PWWP3B: variants seen among roughly 807,000 people sequenced by gnomAD.
PWWP3B encodes PWWP domain-containing DNA repair factor 3B.
Under a neutral mutation model 15.7 loss-of-function variants are expected in PWWP3B, and 5 were observed. That is an observed-to-expected ratio of 0.32 (90% CI 0.17 to 0.67). The LOEUF is 0.67. PWWP3B is among the 30% of genes least tolerant of loss of function. The pLI, the probability that PWWP3B is intolerant of heterozygous loss-of-function variation, is 0.74. For missense variants in PWWP3B, 519 were observed against 493.1 expected, an observed-to-expected ratio of 1.05 and a Z score of -0.50; for synonymous variants, 203 against 179.8, an observed-to-expected ratio of 1.13 and a Z score of -1.03.
rs913757331 is a variant in PWWP3B at position 106,207,751 on chromosome X, C to T, written c.*228C>T. 6 of 315,410 alleles carry T rather than the reference C, an allele frequency of 1.9e-5. No homozygotes were observed. The highest frequency in any genetic ancestry group is 1.1e-4 in the Admixed American group (2 of 17,894). The allele number at this position is 315,410 out of a possible 1,213,427, so 26.0% of individuals were successfully genotyped here. ...ACATATTTCAGCAGTTCTACTTTCC[C>T]GTACATTTTTTAGAAAGCATAATTC... On this transcript the variant is annotated 3_prime_UTR_variant, in exon 4 of 4. Coordinates refer to ENST00000357175, the MANE Select transcript of PWWP3B (RefSeq NM_001171020.2).
rs995743836 is a variant in PWWP3B at position 106,207,642 on chromosome X, C to CT, written c.*127dup. 55 of 688,524 alleles carry CT rather than the reference C, an allele frequency of 8.0e-5. No individual in the cohort carries two copies. The highest frequency in any genetic ancestry group is 1.6e-4 in the South Asian group (3 of 19,254). The allele number at this position is 688,524 out of a possible 1,213,427, so 56.7% of individuals were successfully genotyped here. Reference sequence around the variant, plus strand: ...AATGGGAGCATGGATAATGTGTTCACTTTTTTTTGAGATCTCTAGGATCTG... The same window carrying CT: ...AATGGGAGCATGGATAATGTGTTCACTTTTTTTTTGAGATCTCTAGGATCTG... On this transcript the variant is annotated 3_prime_UTR_variant, in exon 4 of 4. Transcript: ENST00000357175.
intron 2 of PWWP3B, among the ~76,000 whole-genome samples, chrX:106,186,516 A>G (rs1257762025): frequency 9.0e-6 from 1 of 111,187 alleles, no homozygotes. Flanking sequence ...AAGGGGTCCA[A>G]TGGTACTCAC....
intron 1 of PWWP3B, among the ~76,000 whole-genome samples, chrX:106,169,975 G>A (rs1921528380): frequency 9.1e-6 from 1 of 110,062 alleles, no homozygotes; most frequent in African/African-American, 3.3e-5. Flanking sequence ...TTATTAATTG[G>A]AGATATAAGT....
At chrX:106,197,346 C>T (rs1027173674) in intron 2 of PWWP3B, among the ~76,000 whole-genome samples, 5 of 111,586 alleles carry the variant, frequency 4.5e-5, no homozygotes, top group African/African-American at 1.6e-4. Context: ...TTTCCTATCT[C>T]TCCCTCCCAG....
At position 106,207,442 on chromosome X, in the gene PWWP3B, A is replaced by C; in HGVS notation, c.2010A>C (p.Leu670=). ...AEAKYLKGPC[L]GYRERELFDA... ...CAAAGTATCTAAAAGGACCATGTCT[A>C]GGCTACAGGGAAAGAGAATTATTTG... The change falls in exon 4 of 4, where the codon CTA becomes CTC. Residue 670 remains leucine (L), a synonymous_variant. Transcript: ENST00000357175. The C allele has an allele frequency of 8.6e-7, 1 of 1,165,128 alleles. No homozygotes were observed. Among genetic ancestry groups the C allele is most frequent in the Middle Eastern group, 2.3e-4 (1 of 4,288 alleles).
intron 2 of PWWP3B, among the ~76,000 whole-genome samples, chrX:106,176,295 T>C (rs1921896417): frequency 9.0e-6 from 1 of 110,927 alleles, no homozygotes; most frequent in South Asian, 3.8e-4. Context: ...GGTTTCATCA[T>C]GTTGGCCAGG....
rs190797483 is a variant in PWWP3B at position 106,197,234 on chromosome X, A to G, written c.-400-6751A>G. 8.0e-5 allele frequency among the ~76,000 whole-genome samples: 9 copies of G among 111,910 alleles called. No individual in the cohort carries two copies. The Admixed American group carries it at 8.5e-4, about 11-fold the overall frequency. The stretch of plus-strand genomic sequence containing the variant: ...TTCTCAGGCTGCTTTTCATTCATGT[A>G]AGAACTGGGTTAGAGAGGGTTCCCT... On this transcript the variant is annotated intron_variant, in intron 2 of 3. Coordinates refer to ENST00000357175, the MANE Select transcript of PWWP3B (RefSeq NM_001171020.2).
Position 106,207,205 on chromosome X carries a change from G to T in PWWP3B, c.1773G>T (p.Arg591Ser), listed in dbSNP as rs774398332. The change falls in exon 4 of 4, where the codon AGG (arginine) becomes AGT (serine). Residue 591 changes from arginine to serine, a missense_variant. Arg to Ser is a moderately radical substitution (Grantham distance 110, BLOSUM62 -1). Coordinates refer to ENST00000357175, the MANE Select transcript of PWWP3B (RefSeq NM_001171020.2). The stretch of plus-strand genomic sequence containing the variant: ...TGAAATCATTTTTGAATGCAAATAG[G>T]TTCACACCCTGTATTGAAACATACT... The part of the protein sequence containing the change: ...RWLKSFLNAN[R>S]FTPCIETYFE... The T allele has an allele frequency of 1.7e-6, 2 of 1,208,745 alleles. No individual in the cohort carries two copies. The highest frequency in any genetic ancestry group is 2.2e-6 in the Non-Finnish European group (2 of 893,796).
chrX:106,204,369 A>C (rs1001352277), intron 3 of PWWP3B, among the ~76,000 whole-genome samples, 199 bp downstream of exon 3: 3 of 112,264 alleles, frequency 2.7e-5, no homozygotes, highest in Non-Finnish European at 5.6e-5. Context: ...GACACTTTAT[A>C]ATTAAAAGTC....
chrX:106,206,249 T>G lies in PWWP3B; in HGVS notation c.817T>G (p.Ser273Ala). Residue 273 changes from serine (S) to alanine (A), a missense_variant, in exon 4 of 4, where the codon TCT becomes GCT. By Grantham distance (99) the Ser-to-Ala change is moderately conservative (BLOSUM62 1). Coordinates refer to ENST00000357175, the MANE Select transcript of PWWP3B (RefSeq NM_001171020.2). ...GACCCTGGCTGTTCCCTCTGAATGC[T>G]CTGCTTTCTCAGAGAATATTGAGGA... ...LETLAVPSECSAFSENIEDPG... is the reference protein window; with the variant it reads ...LETLAVPSECAAFSENIEDPG... 8.3e-7 allele frequency: 1 copy of G among 1,206,847 alleles called. No homozygotes were observed. Among genetic ancestry groups the G allele is most frequent in the East Asian group, 3.0e-5 (1 of 33,750 alleles).
chrX:106,206,920 T>C lies in PWWP3B; in HGVS notation c.1488T>C (p.Asp496=). 8.3e-7 allele frequency: 1 copy of C among 1,211,325 alleles called. No individual in the cohort carries two copies. Among genetic ancestry groups the C allele is most frequent in the Non-Finnish European group, 1.1e-6 (1 of 895,360 alleles). ...CTTTGCTTGAGTATTATGCTGCTGA[T>C]ATTAGTTACCCAGTTAGGAAAGAAA... ...TGSLLEYYAA[D]ISYPVRKETK... Residue 496 remains aspartate (D), a synonymous_variant, in exon 4 of 4, where the codon GAT becomes GAC. Transcript: ENST00000357175.
At chrX:106,175,052 A>T (rs1035078145) in intron 2 of PWWP3B, among the ~76,000 whole-genome samples, 1 of 106,968 alleles carries the variant, frequency 9.3e-6, no homozygotes, top group Non-Finnish European at 1.9e-5. Context: ...AAAAAAAAAA[A>T]AAAAGAAGAA....
chrX:106,181,364 C>T (rs755765862), intron 2 of PWWP3B, among the ~76,000 whole-genome samples: 11 of 111,437 alleles, frequency 9.9e-5, no homozygotes, highest in Admixed American at 8.5e-4. Flanking sequence ...TTTTACACAG[C>T]GCTGATTGGT....
intron 3 of PWWP3B, among the ~76,000 whole-genome samples, chrX:106,204,676 G>A (rs1167740450): frequency 8.9e-6 from 1 of 112,326 alleles, no homozygotes; most frequent in Non-Finnish European, 1.9e-5. Context: ...ATACAAAGCT[G>A]TGTTTTCAAC....
At position 106,208,225 on chromosome X, in the gene PWWP3B, C is replaced by T. The variant is rs1924157681; in HGVS notation, c.*702C>T. 8.1e-6 allele frequency: 1 copy of T among 123,683 alleles called. No individual in the cohort carries two copies. The highest frequency in any genetic ancestry group is 9.4e-5 in the Admixed American group (1 of 10,588). 10.2% of individuals were successfully genotyped at this position (123,683 alleles called of 1,213,427 possible). A position where few individuals can be genotyped will look rare whatever the true frequency, so the allele number is the denominator to read the frequency against. ...ACAGGATTGTTCATTCTACACTTCC[C>T]TGAAATTCCATTTTTGGGAGTGTCT... is the stretch of plus-strand genomic sequence containing the variant. On this transcript the variant is annotated 3_prime_UTR_variant, in exon 4 of 4. Transcript: ENST00000357175.
intron 2 of PWWP3B, among the ~76,000 whole-genome samples, chrX:106,194,688 T>A (rs1923258766): frequency 9.0e-6 from 1 of 111,714 alleles, no homozygotes; most frequent in Non-Finnish European, 1.9e-5. Context: ...ACCTTTGGTC[T>A]TTGATGATGG....
intron 1 of PWWP3B, among the ~76,000 whole-genome samples, chrX:106,169,973 T>A (rs1412695572): frequency 9.0e-6 from 1 of 110,666 alleles, no homozygotes; most frequent in Non-Finnish European, 1.9e-5. Flanking sequence ...CTTTATTAAT[T>A]GGAGATATAA....
At chrX:106,193,936 T>C (rs181423967) in intron 2 of PWWP3B, among the ~76,000 whole-genome samples, 1 of 112,251 alleles carries the variant, frequency 8.9e-6, no homozygotes, top group African/African-American at 3.2e-5. Context: ...CTTCCCTTTG[T>C]GGGTAACCTC....
chrX:106,187,371 A>G (rs778061066), intron 2 of PWWP3B, among the ~76,000 whole-genome samples: 6 of 111,962 alleles, frequency 5.4e-5, no homozygotes, highest in Non-Finnish European at 7.5e-5. Flanking sequence ...TTGACTCCTA[A>G]TAGTTTTATT....
Sources: gnomAD v4.1 joint callset for allele counts (sites outside exome capture counted in the v4.1 genomes callset) on GRCh38, gnomAD v4.1.1 for gene constraint, MANE v1.5 for transcripts, NCBI Gene and HGNC (gene_info 2026-07-23, HGNC 2026-07-21) for gene names.